The following AKIRIN1 variants were observed in gnomAD, a reference collection of about 807,000 sequenced individuals.
The protein encoded by AKIRIN1 is akirin-1.
In AKIRIN1, 4 loss-of-function variants were observed where a neutral mutation model predicts 25.9. The ratio of observed to expected loss-of-function variants is 0.15; its 90% confidence interval spans 0.08 to 0.35. The LOEUF (loss-of-function observed/expected upper bound fraction) is 0.35, where lower values mean the gene tolerates loss of function less well. Ranked by LOEUF, AKIRIN1 falls within the 10% of genes least tolerant of loss-of-function variation. The pLI, the probability that AKIRIN1 is intolerant of heterozygous loss-of-function variation, is 1.00. For missense variants in AKIRIN1, 243 were observed against 266.1 expected (o/e 0.91, Z 0.61); for synonymous variants, 125 against 105.1 (o/e 1.19, Z -1.16).
At chr1:38,994,672 ATTTTTTTTTTTTTTTTTTTTTTTTT>A (rs10528399) in intron 1 of AKIRIN1, among the ~76,000 whole-genome samples, 1 of 63,558 alleles carries the variant, frequency 1.6e-5, no homozygotes, top group Non-Finnish European at 2.5e-5. Context: ...CGCTCGGCTA[ATTTTTTTTTTTTTTTTTTTTTTTTT>A]TTTTTTTTTG....
rs981187259 is a variant in AKIRIN1 at position 39,004,158 on chromosome 1, C to T, written c.*103C>T. On this transcript the variant is annotated 3_prime_UTR_variant, in exon 5 of 5. Transcript: ENST00000432648. The stretch of plus-strand genomic sequence containing the variant: ...CACATTTCAGCTCCAACTTTGCATC[C>T]TGAGAACACTTAAACGTTTCTGCAG... 1 of 1,273,804 alleles carries T rather than the reference C, an allele frequency of 7.9e-7. No homozygotes were observed. The highest frequency in any genetic ancestry group is 1.1e-6 in the Non-Finnish European group (1 of 870,400). The allele number at this position is 1,273,804 out of a possible 1,614,324, so 78.9% of individuals were successfully genotyped here.
chr1:38,994,687 T>A (rs1270818671), intron 1 of AKIRIN1, among the ~76,000 whole-genome samples: 2 of 118,866 alleles, frequency 1.7e-5, no homozygotes, highest in Non-Finnish European at 1.7e-5. Flanking sequence ...TTTTTTTTTT[T>A]TTTTTTTTTT....
At chr1:38,993,846 G>A (rs1643927086) in intron 1 of AKIRIN1, among the ~76,000 whole-genome samples, 1 of 151,940 alleles carries the variant, frequency 6.6e-6, no homozygotes, top group Non-Finnish European at 1.5e-5. Flanking sequence ...GGAGGCGGGC[G>A]GATCACCTGA....
chr1:38,991,358 C>T lies in AKIRIN1; in HGVS notation c.-23C>T. 7.5e-7 allele frequency: 1 copy of T among 1,339,568 alleles called. No individual in the cohort carries two copies. Among genetic ancestry groups the T allele is most frequent in the East Asian group, 3.1e-5 (1 of 32,122 alleles). The allele number at this position is 1,339,568 out of a possible 1,614,324, so 83.0% of individuals were successfully genotyped here. Reference sequence around the variant, plus strand: ...GCCGCACTTACCGCCGCGTCCGCTCCCGGTCCCTGGCCCCTCAGCGGCATG... The same window carrying T: ...GCCGCACTTACCGCCGCGTCCGCTCTCGGTCCCTGGCCCCTCAGCGGCATG... On this transcript the variant is annotated 5_prime_UTR_variant, in exon 1 of 5. Coordinates refer to ENST00000432648, the MANE Select transcript of AKIRIN1 (RefSeq NM_024595.3).
chr1:38,996,729 C>G (rs1475129885), intron 1 of AKIRIN1, among the ~76,000 whole-genome samples: 1 of 151,634 alleles, frequency 6.6e-6, no homozygotes, highest in African/African-American at 2.4e-5. Flanking sequence ...CGGTGTTTCA[C>G]CATGTTAGCC....
At position 38,991,545 on chromosome 1, in the gene AKIRIN1, G is replaced by A. The variant is rs767579270; in HGVS notation, c.165G>A (p.Pro55=). ...PPPPFQTQTP[P]QSLQQPAPPG... ...CGCCGTTTCAGACGCAGACCCCACC[G>A]CAGAGTCTGCAGCAGCCCGCCCCGC... Residue 55 remains proline, a synonymous_variant, in exon 1 of 5, where the codon CCG becomes CCA. Transcript: ENST00000432648. 8 of 1,448,514 alleles carry A rather than the reference G, an allele frequency of 5.5e-6. No individual in the cohort carries two copies. The East Asian group carries it at 1.8e-4, about 32-fold the overall frequency. The allele number at this position is 1,448,514 out of a possible 1,614,324, so 89.7% of individuals were successfully genotyped here. A position where few individuals can be genotyped will look rare whatever the true frequency, so the allele number is the denominator to read the frequency against.
At chr1:38,995,404 G>T (rs1256969129) in intron 1 of AKIRIN1, among the ~76,000 whole-genome samples, 1 of 152,200 alleles carries the variant, frequency 6.6e-6, no homozygotes, top group Non-Finnish European at 1.5e-5. Flanking sequence ...ACAACCTCAA[G>T]TAATGGAGGG....
At position 38,991,449 on chromosome 1, in the gene AKIRIN1, G is replaced by A. The variant is rs1177599557; in HGVS notation, c.69G>A (p.Pro23=). The A allele has an allele frequency of 1.1e-5, 15 of 1,375,078 alleles. No individual in the cohort carries two copies. The highest frequency in any genetic ancestry group is 3.6e-5 in the Admixed American group (1 of 27,880). The allele number at this position is 1,375,078 out of a possible 1,614,324, so 85.2% of individuals were successfully genotyped here. A position where few individuals can be genotyped will look rare whatever the true frequency, so the allele number is the denominator to read the frequency against. ...FEAALLSPGS[P]KRRRCAPLPG... ...CGGCGCTGCTGAGCCCCGGCTCCCC[G>A]AAGCGGCGGCGCTGCGCCCCTCTGC... The change falls in exon 1 of 5, where the codon CCG becomes CCA. Residue 23 remains proline, a synonymous_variant. Transcript: ENST00000432648.
chr1:38,995,673 T>G (rs1643942348), intron 1 of AKIRIN1, among the ~76,000 whole-genome samples: 1 of 152,236 alleles, frequency 6.6e-6, no homozygotes, highest in African/African-American at 2.4e-5. Flanking sequence ...CTCATACTTG[T>G]CCTTTCTTGT....
chr1:38,999,004 C>G (rs949183420), intron 2 of AKIRIN1, among the ~76,000 whole-genome samples: 1 of 152,110 alleles, frequency 6.6e-6, no homozygotes, highest in Non-Finnish European at 1.5e-5. Flanking sequence ...GCAGAAAGCT[C>G]TGTTCAACAG....
intron 2 of AKIRIN1, 27 bp from the exon 3 acceptor site, chr1:39,000,945 C>G: frequency 6.2e-7 from 1 of 1,600,162 alleles, no homozygotes; most frequent in South Asian, 1.1e-5. Context: ...CCGCACCTGG[C>G]CCAAACTCAC....
chr1:38,991,776 G>C (rs1353600658), intron 1 of AKIRIN1, among the ~76,000 whole-genome samples, 176 bp downstream of exon 1: 1 of 152,202 alleles, frequency 6.6e-6, no homozygotes, highest in Non-Finnish European at 1.5e-5. Context: ...GGAGGCATCC[G>C]GGAGGGGTAA....
chr1:38,999,167 AGTG>A (rs1389632179), intron 2 of AKIRIN1, among the ~76,000 whole-genome samples: 4 of 152,242 alleles, frequency 2.6e-5, no homozygotes, highest in African/African-American at 9.6e-5. Flanking sequence ...GACCATCTCC[AGTG>A]GTGGTGAAAT....
chr1:38,992,598 ATT>A (rs1004833486), intron 1 of AKIRIN1, among the ~76,000 whole-genome samples: 1 of 152,062 alleles, frequency 6.6e-6, no homozygotes. Flanking sequence ...CACAATGCAA[ATT>A]GCAGGCCCTC....
intron 1 of AKIRIN1, among the ~76,000 whole-genome samples, chr1:38,995,001 G>A (rs991777045): frequency 6.6e-6 from 1 of 151,646 alleles, no homozygotes; most frequent in South Asian, 2.1e-4. Context: ...ACTAATTTTT[G>A]TATTTTTTTT....
chr1:38,999,921 C>T (rs562588109), intron 2 of AKIRIN1, among the ~76,000 whole-genome samples: 10 of 151,770 alleles, frequency 6.6e-5, no homozygotes, highest in Non-Finnish European at 1.2e-4. Flanking sequence ...TTTGCTCTGT[C>T]GCCCAGGCTG....
chr1:39,000,073 G>T (rs1463897646), intron 2 of AKIRIN1, among the ~76,000 whole-genome samples: 1 of 151,724 alleles, frequency 6.6e-6, no homozygotes, highest in African/African-American at 2.4e-5. Flanking sequence ...TAGTAGAGGC[G>T]GGATTTCACC....
chr1:38,995,561 T>C (rs929850258), intron 1 of AKIRIN1, among the ~76,000 whole-genome samples: 1 of 152,254 alleles, frequency 6.6e-6, no homozygotes, highest in African/African-American at 2.4e-5. Flanking sequence ...TTCTTGGACT[T>C]CTTAGTCCTA....
At chr1:38,996,479 A>G (rs1455431782) in intron 1 of AKIRIN1, among the ~76,000 whole-genome samples, 1 of 151,796 alleles carries the variant, frequency 6.6e-6, no homozygotes, top group African/African-American at 2.4e-5. Context: ...GCTGGATTAC[A>G]GGCATGAGCC....
Sources: allele counts gnomAD v4.1 joint callset (sites outside exome capture counted in the v4.1 genomes callset), GRCh38; gene constraint gnomAD v4.1.1; transcripts MANE v1.5; gene names NCBI Gene and HGNC (gene_info 2026-07-23, HGNC 2026-07-21).